The following NBPF12 variants were observed in gnomAD, a reference collection of about 807,000 sequenced individuals.
NBPF12 encodes the protein NBPF member 12.
NBPF12 carries 115 observed loss-of-function variants against 146.4 expected under a neutral mutation model. The ratio of observed to expected loss-of-function variants is 0.79; its 90% CI spans 0.68 to 0.92. The LOEUF is 0.92. Among genes scored for constraint, NBPF12 ranks in the 40% least tolerant of loss-of-function variants. The pLI is 0.00. For synonymous variants in NBPF12, 385 were observed against 508.9 expected, an observed-to-expected ratio of 0.76 and a Z score of 3.28; for missense variants, 1,205 against 1,326.8, an observed-to-expected ratio of 0.91 and a Z score of 1.43.
chr1:146,948,289 T>C, upstream of NBPF12, among the ~76,000 whole-genome samples: 1 of 151,874 alleles, frequency 6.6e-6, no homozygotes, highest in Non-Finnish European at 1.5e-5. Context: ...GGATTACAGA[T>C]ATGAGCCACG....
upstream of NBPF12, among the ~76,000 whole-genome samples, chr1:146,945,470 G>A (rs1471104036): frequency 7.9e-4 from 120 of 151,884 alleles, no homozygotes; most frequent in African/African-American, 2.6e-3. Flanking sequence ...GCTGTGTTCC[G>A]GGGGCACCCC....
chr1:146,977,333 C>T (rs1316580116), intron 17 of NBPF12, 133 bp from the exon 21 acceptor site: 13 of 1,079,602 alleles, frequency 1.2e-5, no homozygotes, highest in African/African-American at 1.6e-5. Context: ...CATGTTCCCT[C>T]TTAATGGGAA....
At chr1:146,969,628 A>C (rs1306631572) in intron 11 of NBPF12, 32 bp downstream of exon 14, 32,584 of 1,602,754 alleles carry the variant, frequency 0.02, 714 homozygotes, top group African/African-American at 0.036. Flanking sequence ...ATGACCCAAA[A>C]CCCCAGGCTT....
chr1:146,962,185 T>G, exon 5 of NBPF12: 2 of 1,608,850 alleles, frequency 1.2e-6, no homozygotes, highest in Non-Finnish European at 1.7e-6. Context: ...AAAGACCTCA[T>G]AAAATTTATG....
chr1:146,951,981 AAGT>A (rs1220003854), intron 2 of NBPF12: 1 of 159,088 alleles, frequency 6.3e-6, no homozygotes, highest in Non-Finnish European at 1.4e-5. Flanking sequence ...TCCAAAAACA[AAGT>A]AGCCAAAAAG....
intron 1 of NBPF12, among the ~76,000 whole-genome samples, chr1:146,942,595 C>T (rs1654856924): frequency 6.7e-6 from 1 of 149,386 alleles, no homozygotes; most frequent in African/African-American, 2.5e-5. Flanking sequence ...CACCATCTAA[C>T]AAATAAAATA....
At chr1:146,992,458 CTCTCTGTGTGTGTGTGTG>C (rs1658240636) in intron 31 of NBPF12, among the ~76,000 whole-genome samples, 1 of 99,594 alleles carries the variant, frequency 1.0e-5, no homozygotes, top group Non-Finnish European at 1.9e-5. Flanking sequence ...CTCTCTCTCT[CTCTCTGTGTGTGTGTGTG>C]TGTGTGTGTG....
At chr1:146,977,596 G>A in exon 18 of NBPF12, 1 of 1,611,480 alleles carries the variant, frequency 6.2e-7, no homozygotes, top group Non-Finnish European at 8.5e-7. Flanking sequence ...CACATTTGAG[G>A]AAGACAAAGT....
At position 146,971,320 on chromosome 1, in the gene NBPF12, A is replaced by G; in HGVS notation, c.1517A>G (p.Lys506Arg). The change falls in exon 13 of 34, where the codon AAA (lysine) becomes AGA (arginine). Residue 506 changes from lysine (K) to arginine (R), a missense_variant. Lys to Arg is a conservative substitution (Grantham distance 26). Around this residue, in one of 16 missense-constraint regions of NBPF12, gnomAD observed 278 missense variants for 203.1 expected, o/e 1.37. Transcript: ENST00000617844. ...ATCAAAATCACATTTGAGGAAGACA[A>G]AGTCAACTCATCTCTGGTTGTAGAC... 22 of 1,612,146 alleles carry G rather than the reference A, an allele frequency of 1.4e-5. No homozygotes were observed. In the South Asian group the frequency reaches 2.2e-4, roughly 16 times the overall value.
At chr1:146,977,131 C>G in intron 17 of NBPF12, 130 bp downstream of exon 20, 1 of 858,186 alleles carries the variant, frequency 1.2e-6, no homozygotes, top group Non-Finnish European at 2.0e-6. Context: ...TGAAATATAA[C>G]CCAGCTTAGA....
chr1:146,981,294 A>AAT lies in NBPF12; in HGVS notation c.2451-1614_2451-1613dup, dbSNP rs1156779222. Reference sequence around the variant, plus strand: ...TAAAGTATTAAAAAAAAAAAAAAAAAATATATATATATATATATATACATA... The same window carrying AAT: ...TAAAGTATTAAAAAAAAAAAAAAAAAATATATATATATATATATATATACATA... On this transcript the variant is annotated intron_variant, in intron 19 of 33. Transcript: ENST00000617844. 6.1e-3 allele frequency among the ~76,000 whole-genome samples: 548 copies of AAT among 90,176 alleles called. 11 individuals are homozygous for AAT. The highest frequency in any genetic ancestry group is 0.012 in the Middle Eastern group (2 of 166). The allele number at this position is 90,176 out of a possible 152,430, so 59.2% of individuals were successfully genotyped here. A position where few individuals can be genotyped will look rare whatever the true frequency, so the allele number is the denominator to read the frequency against.
upstream of NBPF12, among the ~76,000 whole-genome samples, chr1:146,946,362 C>A (rs1206208534): frequency 6.6e-6 from 1 of 151,242 alleles, no homozygotes; most frequent in Admixed American, 6.6e-5. Flanking sequence ...TTGGTGTGTT[C>A]ACCGTTTTGT....
chr1:146,961,536 T>A (rs1486265919), intron 4 of NBPF12, among the ~76,000 whole-genome samples: 1 of 152,190 alleles, frequency 6.6e-6, no homozygotes, highest in East Asian at 1.9e-4. Flanking sequence ...ACTAATCTTA[T>A]ACTGTTTCTA....
In NBPF12 at chr1:146,965,626, CAA is replaced by C. The variant is rs1271486549; in HGVS notation, c.778+537_778+538del. Among the ~76,000 whole-genome samples the C allele has an allele frequency of 7.4e-4, 87 of 117,934 alleles. 1 individual carries two copies. The highest frequency in any genetic ancestry group is 1.6e-3 in the Admixed American group (19 of 11,966). The allele number at this position is 117,934 out of a possible 152,430, so 77.4% of individuals were successfully genotyped here. On this transcript the variant is annotated intron_variant, in intron 8 of 33. Transcript: ENST00000617844. Reference sequence around the variant, plus strand: ...TGAAACCCCGTCTTTACTAAAAATACAAAAAAAAAAAAAAAATTAGCTGGGCG... The same window carrying C: ...TGAAACCCCGTCTTTACTAAAAATACAAAAAAAAAAAAAATTAGCTGGGCG...
At chr1:146,974,030 A>G (rs1395783177) in intron 14 of NBPF12, among the ~76,000 whole-genome samples, 2 of 150,964 alleles carry the variant, frequency 1.3e-5, no homozygotes, top group African/African-American at 2.5e-5. Context: ...GGGTACTACA[A>G]TAATACCTAC....
chr1:146,954,157 C>T (rs1202689722), intron 2 of NBPF12, among the ~76,000 whole-genome samples: 4,395 of 149,748 alleles, frequency 0.029, 148 homozygotes, highest in African/African-American at 0.1. Flanking sequence ...TTTGGGAAGC[C>T]GAGGTGGGCA....
chr1:146,977,199 G>T (rs1169511332), intron 17 of NBPF12, among the ~76,000 whole-genome samples, 198 bp downstream of exon 20: 2 of 141,918 alleles, frequency 1.4e-5, no homozygotes, highest in African/African-American at 5.4e-5. Context: ...TGTCTGCACC[G>T]TACAGGGATA....
intron 10 of NBPF12, among the ~76,000 whole-genome samples, chr1:146,968,867 A>G (rs1223465701): frequency 2.6e-4 from 40 of 151,392 alleles, no homozygotes; most frequent in African/African-American, 9.6e-4. Context: ...GTGTGCCATC[A>G]CGACCCCACT....
chr1:146,983,029 C>G (rs1657490274), exon 20 of NBPF12: 2 of 1,608,626 alleles, frequency 1.2e-6, no homozygotes, highest in Non-Finnish European at 1.7e-6. Context: ...TCATACCAGT[C>G]TTACAGCAGC....
Sources: gnomAD v4.1 joint callset for allele counts (sites outside exome capture counted in the v4.1 genomes callset) on GRCh38, gnomAD v4.1.1 for gene constraint, gnomAD v4.1.1 regional missense constraint, MANE v1.5 for transcripts, NCBI Gene and HGNC (gene_info 2026-07-23, HGNC 2026-07-21) for gene names.